CCDC178: variants seen among roughly 807,000 people sequenced by gnomAD.
CCDC178 encodes the protein coiled-coil domain-containing protein 178.
A neutral mutation model predicts 117.4 loss-of-function variants in CCDC178; 126 were observed. The observed-to-expected ratio is 1.07, with a 90% confidence interval of 0.93 to 1.24. The LOEUF (loss-of-function observed/expected upper bound fraction) is 1.24, where lower values mean the gene tolerates loss of function less well. CCDC178 is among the 50% of genes most tolerant of loss of function. The pLI is 0.00. For missense variants in CCDC178, 1,030 were observed against 986.9 expected, an observed-to-expected ratio of 1.04 and a Z score of -0.59; for synonymous variants, 283 against 313.4, an observed-to-expected ratio of 0.90 and a Z score of 1.02.
chr18:33,440,084 T>C lies in CCDC178; in HGVS notation c.-142-3A>G, dbSNP rs1333886627. The C allele has an allele frequency of 6.6e-6, 1 of 152,132 alleles. No homozygotes were observed. The highest frequency in any genetic ancestry group is 1.5e-5 in the Non-Finnish European group (1 of 67,998). 9.4% of individuals were successfully genotyped at this position (152,132 alleles called of 1,614,324 possible). ...TATTTGACTTGATTGAGCAGACACT[T>C]AAAAAATTAAATATCAAGAAAAGAA... On this transcript the variant is annotated splice_polypyrimidine_tract_variant and splice_region_variant and intron_variant, in intron 1 of 22. Coordinates refer to ENST00000383096, the MANE Select transcript of CCDC178 (RefSeq NM_001105528.4).
chr18:32,947,054 T>G (rs1244428959), intron 22 of CCDC178, among the ~76,000 whole-genome samples: 1 of 152,090 alleles, frequency 6.6e-6, no homozygotes, highest in African/African-American at 2.4e-5. Context: ...AGTGTCTTTC[T>G]TTTATCTGTC....
At chr18:33,318,468 A>G (rs552271012) in intron 11 of CCDC178, among the ~76,000 whole-genome samples, 3 of 152,334 alleles carry the variant, frequency 2.0e-5, no homozygotes, top group Admixed American at 6.5e-5. Context: ...TAAATAGATA[A>G]TAAGCCAGAA....
At chr18:33,328,061 G>T (rs1346798082) in intron 10 of CCDC178, 1 of 366,520 alleles carries the variant, frequency 2.7e-6, no homozygotes, top group Admixed American at 3.9e-5. Flanking sequence ...CCAAATCCAA[G>T]GTCATAAAGA....
intron 20 of CCDC178, among the ~76,000 whole-genome samples, chr18:33,124,321 T>A (rs1161040240): frequency 6.6e-6 from 1 of 152,158 alleles, no homozygotes; most frequent in Non-Finnish European, 1.5e-5. Flanking sequence ...CAAATGTTGG[T>A]CTCATGGCTG....
intron 10 of CCDC178, among the ~76,000 whole-genome samples, chr18:33,329,356 T>C (rs1306569040): frequency 6.6e-6 from 1 of 152,214 alleles, no homozygotes; most frequent in Non-Finnish European, 1.5e-5. Context: ...CTGGGTATCC[T>C]TCTCTTATTT....
At chr18:33,196,698 T>G (rs1473513933) in intron 20 of CCDC178, among the ~76,000 whole-genome samples, 1 of 152,022 alleles carries the variant, frequency 6.6e-6, no homozygotes, top group Non-Finnish European at 1.5e-5. Flanking sequence ...AAACTAGGGG[T>G]GCAAATTATG....
intron 5 of CCDC178, among the ~76,000 whole-genome samples, chr18:33,386,946 T>G (rs1009751783): frequency 1.3e-5 from 2 of 152,182 alleles, no homozygotes; most frequent in African/African-American, 4.8e-5. Flanking sequence ...GAGGATGACA[T>G]GATCCTTTAT....
intron 21 of CCDC178, among the ~76,000 whole-genome samples, chr18:33,072,859 G>T (rs1052621348): frequency 6.6e-6 from 1 of 152,000 alleles, no homozygotes; most frequent in African/African-American, 2.4e-5. Flanking sequence ...TACCCATCTT[G>T]GCCTCTCGAA....
chr18:32,986,574 T>A (rs2055268523), intron 21 of CCDC178, among the ~76,000 whole-genome samples: 1 of 152,104 alleles, frequency 6.6e-6, no homozygotes. Flanking sequence ...ATATTTTAGA[T>A]AAACTGAAAC....
intron 20 of CCDC178, among the ~76,000 whole-genome samples, chr18:33,098,634 T>C (rs1239402560): frequency 6.6e-6 from 1 of 152,038 alleles, no homozygotes; most frequent in Non-Finnish European, 1.5e-5. Flanking sequence ...GTCTCATGGA[T>C]GGAAAGAATG....
At chr18:33,178,337 A>C (rs538936201) in intron 20 of CCDC178, among the ~76,000 whole-genome samples, 1 of 152,084 alleles carries the variant, frequency 6.6e-6, no homozygotes, top group Admixed American at 6.6e-5. Flanking sequence ...TTCTCTCAAA[A>C]TGTTCCTTTC....
chr18:33,121,811 G>C (rs897064236), intron 20 of CCDC178, among the ~76,000 whole-genome samples: 15 of 152,114 alleles, frequency 9.9e-5, no homozygotes, highest in Non-Finnish European at 2.1e-4. Flanking sequence ...CACATGCCAT[G>C]TAATGATGTT....
intron 15 of CCDC178, among the ~76,000 whole-genome samples, chr18:33,234,463 C>G (rs1232145527): frequency 6.6e-6 from 1 of 151,846 alleles, no homozygotes; most frequent in Non-Finnish European, 1.5e-5. Context: ...AAATATGGAA[C>G]AGAGAGAGAT....
At chr18:33,029,697 TATC>T (rs1483588250) in intron 21 of CCDC178, among the ~76,000 whole-genome samples, 1 of 151,996 alleles carries the variant, frequency 6.6e-6, no homozygotes, top group Non-Finnish European at 1.5e-5. Context: ...ATGGTGTCCT[TATC>T]ATTTATTTCA....
intron 13 of CCDC178, 26 bp downstream of exon 13, chr18:33,267,176 T>C (rs1332670545): frequency 1.3e-6 from 2 of 1,557,018 alleles, no homozygotes; most frequent in Non-Finnish European, 1.7e-6. Flanking sequence ...GCGTTCTAAG[T>C]GGGAAGTAGG....
chr18:33,062,293 T>C (rs1020409985), intron 21 of CCDC178, among the ~76,000 whole-genome samples: 2 of 152,224 alleles, frequency 1.3e-5, no homozygotes, highest in African/African-American at 4.8e-5. Context: ...AAATATAATC[T>C]GACCATGTAT....
At chr18:33,225,084 A>G in intron 16 of CCDC178, 148 bp from the exon 17 acceptor site, 1 of 327,850 alleles carries the variant, frequency 3.1e-6, no homozygotes, top group Non-Finnish European at 5.3e-6. Context: ...TACGAATGTA[A>G]TATATATTAC....
chr18:33,427,470 TA>T (rs2064138895), intron 2 of CCDC178, among the ~76,000 whole-genome samples: 3 of 152,136 alleles, frequency 2.0e-5, no homozygotes, highest in African/African-American at 7.2e-5. Flanking sequence ...ATCTTTCCTA[TA>T]CACAGTTACA....
Position 33,099,300 on chromosome 18 carries a change from C to T in CCDC178, c.2239-6390G>A, listed in dbSNP as rs78783127. On this transcript the variant is annotated intron_variant, in intron 20 of 22. Coordinates refer to ENST00000383096, the MANE Select transcript of CCDC178 (RefSeq NM_001105528.4). The stretch of plus-strand genomic sequence containing the variant: ...GTATATGATCCTGTGCACATGCCCA[C>T]GCATTACACCATTGATCCCATCCCA... Among the ~76,000 whole-genome samples, 661 of 152,132 alleles carry T rather than the reference C, an allele frequency of 4.3e-3. 5 individuals carry two copies. Among genetic ancestry groups the T allele is most frequent in the African/African-American group, 0.015 (633 of 41,530 alleles).
Sources: gnomAD v4.1 joint callset for allele counts (sites outside exome capture counted in the v4.1 genomes callset) on GRCh38, gnomAD v4.1.1 for gene constraint, MANE v1.5 for transcripts, NCBI Gene and HGNC (gene_info 2026-07-23, HGNC 2026-07-21) for gene names.